Variants in ITGA9 observed in about 807,000 individuals in gnomAD.
The protein encoded by ITGA9 is integrin subunit alpha 9.
Under a neutral mutation model 127.8 loss-of-function variants are expected in ITGA9, and 56 were observed. The observed-to-expected ratio is 0.44, with a 90% CI of 0.35 to 0.55. The LOEUF is 0.55. Ranked by LOEUF, ITGA9 falls within the 20% of genes least tolerant of loss-of-function variation. The probability of loss-of-function intolerance (pLI) is 0.00; values close to 1 mark genes in which losing one functional copy is unlikely to be tolerated. For missense variants in ITGA9, 1,196 were observed against 1,347.1 expected (o/e 0.89, Z 1.76); for synonymous variants, 508 against 514.5 (o/e 0.99, Z 0.17).
chr3:37,787,238 A>C (rs1471002895), intron 26 of ITGA9, among the ~76,000 whole-genome samples: 1 of 152,198 alleles, frequency 6.6e-6, no homozygotes, highest in Non-Finnish European at 1.5e-5. Context: ...AGTGGAAGCT[A>C]ATGGAAATAG....
chr3:37,634,630 T>C (rs566813746), intron 16 of ITGA9, among the ~76,000 whole-genome samples: 35 of 152,306 alleles, frequency 2.3e-4, no homozygotes, highest in African/African-American at 7.9e-4. Context: ...ATGAGAGAGA[T>C]AGATTGCAGT....
At chr3:37,632,361 A>G (rs910776544) in intron 16 of ITGA9, among the ~76,000 whole-genome samples, 1 of 152,168 alleles carries the variant, frequency 6.6e-6, no homozygotes, top group Non-Finnish European at 1.5e-5. Context: ...TGCAGCACCA[A>G]AAACTCAGTG....
rs2125599939 is a variant in ITGA9 at position 37,561,553 on chromosome 3, G to A, written c.1689+18968G>A. On this transcript the variant is annotated intron_variant, in intron 15 of 27. Coordinates refer to ENST00000264741, the MANE Select transcript of ITGA9 (RefSeq NM_002207.3). ...ACACTTACAAAAGTTAAGAAGCATG[G>A]TTCTGACTTTCCTAAACTGGGGTTT... Among the ~76,000 whole-genome samples, 2 of 152,318 alleles carry A rather than the reference G, an allele frequency of 1.3e-5. 1 individual carries two copies. Among genetic ancestry groups the A allele is most frequent in the Non-Finnish European group, 2.9e-5 (2 of 68,014 alleles).
intron 4 of ITGA9, among the ~76,000 whole-genome samples, chr3:37,483,018 C>T (rs1015927468): frequency 6.6e-6 from 1 of 152,190 alleles, no homozygotes; most frequent in Non-Finnish European, 1.5e-5. Flanking sequence ...GTTTACTCCT[C>T]CTTTTTCCTA....
chr3:37,718,188 A>C (rs1701154188), intron 18 of ITGA9, among the ~76,000 whole-genome samples: 1 of 152,272 alleles, frequency 6.6e-6, no homozygotes, highest in Admixed American at 6.5e-5. Flanking sequence ...TGTAAGATGT[A>C]ACAGAAAACA....
intron 17 of ITGA9, among the ~76,000 whole-genome samples, chr3:37,663,396 A>G (rs1286139123): frequency 6.6e-6 from 1 of 152,234 alleles, no homozygotes; most frequent in Non-Finnish European, 1.5e-5. Flanking sequence ...GGAAAGACAC[A>G]GCAGGATATC....
At chr3:37,654,850 C>T (rs193067839) in intron 17 of ITGA9, among the ~76,000 whole-genome samples, 2 of 152,104 alleles carry the variant, frequency 1.3e-5, no homozygotes, top group East Asian at 1.9e-4. Flanking sequence ...CCTAACCCCC[C>T]ACCCCTGACA....
intron 15 of ITGA9, among the ~76,000 whole-genome samples, chr3:37,593,975 C>T (rs1011353025): frequency 1.3e-5 from 2 of 152,224 alleles, no homozygotes; most frequent in African/African-American, 4.8e-5. Context: ...AGCAGGCTGC[C>T]TCTTGCTCCT....
rs546629352 is a variant in ITGA9 at position 37,471,061 on chromosome 3, T to C, written c.240T>C (p.Ser80=). 3.7e-6 allele frequency: 6 copies of C among 1,613,910 alleles called. No individual in the cohort carries two copies. The highest frequency in any genetic ancestry group is 1.3e-5 in the African/African-American group (1 of 74,888). ...ADSKYSPSVK[S]PGAVFKCRVH... ...CCAAATACAGCCCTTCAGTGAAGTC[T>C]CCTGGGGCTGTGTTTAAGTGCCGTG... is the stretch of plus-strand genomic sequence containing the variant. Residue 80 remains serine (S), a synonymous_variant, in exon 2 of 28, where the codon TCT becomes TCC. Coordinates refer to ENST00000264741, the MANE Select transcript of ITGA9 (RefSeq NM_002207.3).
chr3:37,536,659 G>A (rs939398310), intron 14 of ITGA9, among the ~76,000 whole-genome samples: 1 of 152,224 alleles, frequency 6.6e-6, no homozygotes, highest in African/African-American at 2.4e-5. Flanking sequence ...TGCCTACTTG[G>A]TCATGGGAGT....
chr3:37,711,888 A>G (rs190028587), intron 18 of ITGA9, among the ~76,000 whole-genome samples: 174 of 152,314 alleles, frequency 1.1e-3, no homozygotes, highest in African/African-American at 4.1e-3. Context: ...GCACTTCTGA[A>G]TGCTGGTGGG....
chr3:37,515,111 TACCTTTTCTCTAACATGAGAAAACG>T (rs1698970850), intron 9 of ITGA9, among the ~76,000 whole-genome samples: 2 of 152,286 alleles, frequency 1.3e-5, no homozygotes, highest in South Asian at 4.1e-4. Flanking sequence ...TGGTGCCGCC[TACCTTTTCTCTAACATGAGAAAACG>T]CTTATGGAGA....
intron 15 of ITGA9, among the ~76,000 whole-genome samples, chr3:37,548,188 A>C (rs183841185): frequency 5.3e-5 from 8 of 152,336 alleles, no homozygotes; most frequent in African/African-American, 1.9e-4. Flanking sequence ...AACTGAGTAA[A>C]TGAAGCCAGA....
At chr3:37,562,168 G>A (rs968185655) in intron 15 of ITGA9, among the ~76,000 whole-genome samples, 8 of 152,080 alleles carry the variant, frequency 5.3e-5, no homozygotes, top group Non-Finnish European at 1.2e-4. Context: ...TGCTGTGTCC[G>A]GCAGCCCATC....
intron 16 of ITGA9, among the ~76,000 whole-genome samples, chr3:37,644,260 G>T (rs916477997): frequency 2.0e-5 from 3 of 152,314 alleles, no homozygotes; most frequent in Admixed American, 6.5e-5. Context: ...TATCACAGGG[G>T]TTGAACTGGA....
chr3:37,491,326 G>C (rs1332969287), intron 4 of ITGA9, among the ~76,000 whole-genome samples: 2 of 152,216 alleles, frequency 1.3e-5, no homozygotes, highest in Non-Finnish European at 2.9e-5. Flanking sequence ...GTGAGCTGCT[G>C]TCAGGCAAAG....
chr3:37,585,049 A>G (rs1404330433), intron 15 of ITGA9, among the ~76,000 whole-genome samples: 2 of 152,086 alleles, frequency 1.3e-5, no homozygotes, highest in South Asian at 2.1e-4. Flanking sequence ...ACGGAAGGCC[A>G]TAGCTTCTGC....
intron 25 of ITGA9, 61 bp from the exon 26 acceptor site, chr3:37,784,916 C>A: frequency 2.1e-6 from 3 of 1,425,582 alleles, no homozygotes; most frequent in South Asian, 2.3e-5. Context: ...CCCAGTCCCT[C>A]TCAAGGCCCA....
chr3:37,509,334 G>A (rs552033713), intron 8 of ITGA9, among the ~76,000 whole-genome samples: 1 of 152,274 alleles, frequency 6.6e-6, no homozygotes, highest in East Asian at 1.9e-4. Context: ...GAGCTTATCA[G>A]TCATGCACTT....
Sources: gnomAD v4.1 joint callset for allele counts (sites outside exome capture counted in the v4.1 genomes callset) on GRCh38, gnomAD v4.1.1 for gene constraint, MANE v1.5 for transcripts, NCBI Gene and HGNC (gene_info 2026-07-23, HGNC 2026-07-21) for gene names.